CACNB4: variants seen among roughly 807,000 people sequenced by gnomAD.
The protein encoded by CACNB4 is voltage-dependent L-type calcium channel subunit beta-4.
In CACNB4, 32 loss-of-function variants were observed where a neutral mutation model predicts 71.2. The observed-to-expected ratio is 0.45, with a 90% CI of 0.34 to 0.60. The LOEUF is 0.60. Among genes scored for constraint, CACNB4 ranks in the 20% least tolerant of loss-of-function variants. The probability of loss-of-function intolerance (pLI) is 0.01; values close to 1 mark genes in which losing one functional copy is unlikely to be tolerated. For missense variants in CACNB4, 464 were observed against 647.9 expected, an observed-to-expected ratio of 0.72 and a Z score of 3.08; for synonymous variants, 231 against 236.9, an observed-to-expected ratio of 0.97 and a Z score of 0.23.
chr2:152,054,237 G>A (rs962419421), intron 2 of CACNB4, among the ~76,000 whole-genome samples: 9 of 151,686 alleles, frequency 5.9e-5, no homozygotes, highest in Middle Eastern at 3.4e-3. Flanking sequence ...GTGGTGGCGC[G>A]CGCCTGTAGT....
At chr2:152,064,234 A>C (rs993659184) in intron 2 of CACNB4, among the ~76,000 whole-genome samples, 1 of 152,230 alleles carries the variant, frequency 6.6e-6, no homozygotes, top group Admixed American at 6.5e-5. Flanking sequence ...GATGTCTCCC[A>C]CGTGGACTTT....
intron 2 of CACNB4, among the ~76,000 whole-genome samples, chr2:151,960,400 G>T (rs540182115): frequency 6.6e-6 from 1 of 152,240 alleles, no homozygotes; most frequent in Admixed American, 6.5e-5. Flanking sequence ...GCCTGGCTTT[G>T]ACCCTGCAGA....
chr2:151,965,672 T>A (rs1484346855), intron 2 of CACNB4, among the ~76,000 whole-genome samples: 2 of 152,196 alleles, frequency 1.3e-5, no homozygotes, highest in African/African-American at 4.8e-5. Context: ...TAAAGCAGAA[T>A]TACCTTTCCT....
At chr2:151,843,899 C>T (rs2099836891) in intron 12 of CACNB4, among the ~76,000 whole-genome samples, 1 of 152,162 alleles carries the variant, frequency 6.6e-6, no homozygotes, top group South Asian at 2.1e-4. Context: ...TTAAATGTTT[C>T]ATCACATCAA....
chr2:151,994,310 C>T (rs1056779499), intron 2 of CACNB4, among the ~76,000 whole-genome samples: 7 of 145,718 alleles, frequency 4.8e-5, no homozygotes, highest in South Asian at 2.2e-4. Context: ...CTTTACAAAG[C>T]GATTCTTCTG....
At chr2:151,929,993 C>T (rs2151599258) in intron 2 of CACNB4, among the ~76,000 whole-genome samples, 1 of 152,068 alleles carries the variant, frequency 6.6e-6, no homozygotes, top group Non-Finnish European at 1.5e-5. Flanking sequence ...GGAACATTTT[C>T]ACAAAATCAT....
intron 2 of CACNB4, among the ~76,000 whole-genome samples, chr2:152,027,223 T>C (rs1000406922): frequency 6.6e-6 from 1 of 152,214 alleles, no homozygotes; most frequent in African/African-American, 2.4e-5. Context: ...TTTCTTAGAA[T>C]CATTTCTTCT....
At chr2:152,013,442 T>A (rs1158487437) in intron 2 of CACNB4, among the ~76,000 whole-genome samples, 1 of 152,088 alleles carries the variant, frequency 6.6e-6, no homozygotes, top group Non-Finnish European at 1.5e-5. Context: ...TACACAGAAA[T>A]GCCCATGACA....
At chr2:152,048,498 G>A (rs1036993985) in intron 2 of CACNB4, 2 of 152,218 alleles carry the variant, frequency 1.3e-5, no homozygotes, top group Non-Finnish European at 2.9e-5. Flanking sequence ...ACACTAAAAG[G>A]GAGAGAATAA....
intron 2 of CACNB4, chr2:151,971,275 T>C: frequency 1.8e-6 from 1 of 569,308 alleles, no homozygotes. Flanking sequence ...ATGATCTTAT[T>C]ACAAGCTTAC....
chr2:151,975,544 G>A (rs1402406452), intron 2 of CACNB4, among the ~76,000 whole-genome samples: 1 of 152,172 alleles, frequency 6.6e-6, no homozygotes, highest in Admixed American at 6.5e-5. Flanking sequence ...AGCAGCAGGG[G>A]ATGAGTGCAG....
chr2:152,093,400 GGTGTGT>G (rs34845177), intron 2 of CACNB4, among the ~76,000 whole-genome samples: 6 of 146,558 alleles, frequency 4.1e-5, no homozygotes, highest in South Asian at 2.2e-4. Flanking sequence ...GCTGTTTTTT[GGTGTGT>G]GTGTGTGTGT....
At chr2:152,090,377 G>A (rs1687902342) in intron 2 of CACNB4, among the ~76,000 whole-genome samples, 3 of 152,060 alleles carry the variant, frequency 2.0e-5, no homozygotes, top group Admixed American at 2.0e-4. Context: ...CTTGAAGATG[G>A]GCGCAGTGGC....
At chr2:151,910,040 A>T (rs1188642372) in intron 2 of CACNB4, among the ~76,000 whole-genome samples, 1 of 152,204 alleles carries the variant, frequency 6.6e-6, no homozygotes, top group Non-Finnish European at 1.5e-5. Context: ...CCTCGCCAGC[A>T]TCTGTTGTTT....
intron 2 of CACNB4, among the ~76,000 whole-genome samples, chr2:151,961,014 T>A (rs371019593): frequency 6.6e-6 from 1 of 152,218 alleles, no homozygotes; most frequent in Non-Finnish European, 1.5e-5. Context: ...TGACTAAAAA[T>A]GGCAAGACTT....
At chr2:151,970,509 G>A (rs534759933) in intron 2 of CACNB4, 15 of 152,134 alleles carry the variant, frequency 9.9e-5, no homozygotes, top group African/African-American at 3.4e-4. Flanking sequence ...TGAAATACAC[G>A]TACACACTAA....
At chr2:151,903,204 A>C (rs2151511429) in intron 2 of CACNB4, among the ~76,000 whole-genome samples, 1 of 152,322 alleles carries the variant, frequency 6.6e-6, no homozygotes, top group Admixed American at 6.5e-5. Flanking sequence ...AGCTAGAACA[A>C]AAATAAGAAA....
chr2:152,019,402 A>T (rs559037596), intron 2 of CACNB4, among the ~76,000 whole-genome samples: 6 of 152,324 alleles, frequency 3.9e-5, no homozygotes, highest in Non-Finnish European at 8.8e-5. Context: ...TAGATGAGAT[A>T]GCAAAATGAA....
At chr2:151,987,993 A>T (rs1457938795) in intron 2 of CACNB4, among the ~76,000 whole-genome samples, 1 of 152,214 alleles carries the variant, frequency 6.6e-6, no homozygotes, top group Non-Finnish European at 1.5e-5. Context: ...CCATTAAATA[A>T]TTTTTACACT....
Sources: allele counts gnomAD v4.1 joint callset (sites outside exome capture counted in the v4.1 genomes callset), GRCh38; gene constraint gnomAD v4.1.1; transcripts MANE v1.5; gene names NCBI Gene and HGNC (gene_info 2026-07-23, HGNC 2026-07-21).